The following RTN4RL1 variants were observed in gnomAD, a reference collection of about 807,000 sequenced individuals.
RTN4RL1 encodes reticulon 4 receptor like 1, also known as reticulon-4 receptor-like 1.
In RTN4RL1, 7 loss-of-function variants were observed where a neutral mutation model predicts 25.6. That is an observed-to-expected ratio of 0.27 (90% CI 0.16 to 0.51). The LOEUF (loss-of-function observed/expected upper bound fraction) is 0.51, where lower values mean the gene tolerates loss of function less well. RTN4RL1 is among the 20% of genes least tolerant of loss of function. RTN4RL1 has a pLI of 0.97. For missense variants in RTN4RL1, 500 were observed against 615.6 expected, an observed-to-expected ratio of 0.81 and a Z score of 1.99; for synonymous variants, 297 against 288.2, an observed-to-expected ratio of 1.03 and a Z score of -0.31.
chr17:1,989,856 G>A (rs148950641), intron 1 of RTN4RL1, among the ~76,000 whole-genome samples: 2 of 152,116 alleles, frequency 1.3e-5, no homozygotes, highest in Admixed American at 1.3e-4. Context: ...ACAGGTGTGA[G>A]CCACTGTGCC....
At chr17:1,999,196 T>A (rs8070157) in intron 1 of RTN4RL1, among the ~76,000 whole-genome samples, 1 of 149,844 alleles carries the variant, frequency 6.7e-6, no homozygotes, top group Admixed American at 6.6e-5. Context: ...GGCTGTAATC[T>A]CAGCACTTTG....
intron 1 of RTN4RL1, among the ~76,000 whole-genome samples, chr17:2,007,813 G>A (rs1455356211): frequency 3.3e-5 from 5 of 151,932 alleles, no homozygotes. Flanking sequence ...AGGCATGGTG[G>A]CACGCGCCTG....
At chr17:2,020,906 C>T (rs1455465813) in intron 1 of RTN4RL1, among the ~76,000 whole-genome samples, 1 of 152,230 alleles carries the variant, frequency 6.6e-6, no homozygotes, top group African/African-American at 2.4e-5. Context: ...TCTGGCAAAG[C>T]AAACCCCCCA....
chr17:1,961,351 C>A lies in RTN4RL1; in HGVS notation c.14-23543G>T, dbSNP rs1287746150. 2.0e-5 allele frequency among the ~76,000 whole-genome samples: 3 copies of A among 152,272 alleles called. No homozygotes were observed. The East Asian group carries it at 5.8e-4, about 29-fold the overall frequency. Reference sequence around the variant, plus strand: ...GGACGACGGGGCAGGGCATTCCAGGCAGAAGGAACCGCATGGGCGGAGGCC... The same window carrying A: ...GGACGACGGGGCAGGGCATTCCAGGAAGAAGGAACCGCATGGGCGGAGGCC... On this transcript the variant is annotated intron_variant, in intron 1 of 1. Coordinates refer to ENST00000331238, the MANE Select transcript of RTN4RL1 (RefSeq NM_178568.4).
chr17:1,992,064 T>C (rs538291595), intron 1 of RTN4RL1, among the ~76,000 whole-genome samples: 1 of 141,964 alleles, frequency 7.0e-6, no homozygotes, highest in Non-Finnish European at 1.6e-5. Flanking sequence ...TTGGACTGCA[T>C]GCAGAAAAAG....
chr17:2,010,972 C>A (rs992587277), intron 1 of RTN4RL1, among the ~76,000 whole-genome samples: 1 of 152,142 alleles, frequency 6.6e-6, no homozygotes, highest in Non-Finnish European at 1.5e-5. Context: ...CGTTTGTCGG[C>A]CGGGCGCGGT....
chr17:1,971,588 G>A (rs764301656), intron 1 of RTN4RL1, among the ~76,000 whole-genome samples: 5 of 152,192 alleles, frequency 3.3e-5, no homozygotes, highest in East Asian at 1.9e-4. Flanking sequence ...CCAGCACGTC[G>A]GGAGGCTGAG....
chr17:1,967,439 C>T (rs2066796874), intron 1 of RTN4RL1, among the ~76,000 whole-genome samples: 1 of 151,966 alleles, frequency 6.6e-6, no homozygotes, highest in African/African-American at 2.4e-5. Flanking sequence ...TCAAGCCTCT[C>T]CCCTTGAACC....
intron 1 of RTN4RL1, among the ~76,000 whole-genome samples, chr17:2,009,753 T>G (rs2067030309): frequency 7.8e-6 from 1 of 127,866 alleles, no homozygotes; most frequent in Non-Finnish European, 1.6e-5. Flanking sequence ...CTGCCATAGC[T>G]GTTGCCTTGG....
At chr17:1,947,533 G>C (rs1404054520) in intron 1 of RTN4RL1, among the ~76,000 whole-genome samples, 2 of 152,212 alleles carry the variant, frequency 1.3e-5, no homozygotes, top group Non-Finnish European at 2.9e-5. Context: ...ACCCACTCCA[G>C]GTCCCTCCAG....
intron 1 of RTN4RL1, among the ~76,000 whole-genome samples, chr17:1,993,647 C>T (rs932877968): frequency 6.6e-6 from 1 of 152,144 alleles, no homozygotes; most frequent in Non-Finnish European, 1.5e-5. Context: ...TTCCCTTCCC[C>T]TACCCTTCCA....
At chr17:2,023,989 AG>A (rs1190493372) in intron 1 of RTN4RL1, among the ~76,000 whole-genome samples, 11 of 152,172 alleles carry the variant, frequency 7.2e-5, no homozygotes, top group Non-Finnish European at 2.9e-5. Flanking sequence ...GCAGACGCAG[AG>A]GCTGGAACAG....
rs1422932022 is a variant in RTN4RL1 at position 1,935,887 on chromosome 17, C to A, written c.*609G>T. 1 of 985,280 alleles carries A rather than the reference C, an allele frequency of 1.0e-6. No individual in the cohort carries two copies. The highest frequency in any genetic ancestry group is 1.1e-4 in the East Asian group (1 of 8,802). The allele number at this position is 985,280 out of a possible 1,614,324, so 61.0% of individuals were successfully genotyped here. On this transcript the variant is annotated 3_prime_UTR_variant, in exon 2 of 2. Transcript: ENST00000331238. ...TTCCTTTGGTAATTGGTTCTTGGAC[C>A]CCAGCAGTTGGACCTGGGTCTGCCA...
intron 1 of RTN4RL1, among the ~76,000 whole-genome samples, chr17:1,979,653 A>G (rs74472537): frequency 0.012 from 1,766 of 152,194 alleles, 34 homozygotes; most frequent in African/African-American, 0.04. Flanking sequence ...ACCAGCCTAT[A>G]CTAAGATCTC....
At chr17:1,958,027 T>C (rs1168850569) in intron 1 of RTN4RL1, among the ~76,000 whole-genome samples, 1 of 150,076 alleles carries the variant, frequency 6.7e-6, no homozygotes, top group African/African-American at 2.5e-5. Context: ...ACTAAAAAAA[T>C]AAAAAATAAA....
chr17:1,938,789 G>A (rs1175020249), intron 1 of RTN4RL1, among the ~76,000 whole-genome samples: 25 of 146,014 alleles, frequency 1.7e-4, no homozygotes, highest in East Asian at 2.3e-4. Context: ...GGTGGCTCAC[G>A]CCTGTAATCC....
intron 1 of RTN4RL1, chr17:2,017,682 T>TACATACAC (rs970897024): frequency 1.7e-4 from 25 of 150,608 alleles, no homozygotes; most frequent in African/African-American, 5.8e-4. Context: ...TTTCTGTACA[T>TACATACAC]ACACACACAC....
intron 1 of RTN4RL1, among the ~76,000 whole-genome samples, chr17:1,979,707 C>T (rs2066858877): frequency 6.6e-6 from 1 of 152,186 alleles, no homozygotes; most frequent in African/African-American, 2.4e-5. Flanking sequence ...TTCAGCAGGG[C>T]CAGAGACAGA....
chr17:2,024,928 C>A lies in RTN4RL1; in HGVS notation c.-63G>T. ...CGCACTCCCTCCCGGGGTCCAGATT[C>A]AAATCCCTGGGCGCCAGCTGCAGCT... On this transcript the variant is annotated 5_prime_UTR_variant, in exon 1 of 2. An upstream open reading frame in the 5' UTR loses its in-frame stop. Transcript: ENST00000331238. The A allele has an allele frequency of 9.8e-6, 15 of 1,523,994 alleles. No homozygotes were observed. Among genetic ancestry groups the A allele is most frequent in the Non-Finnish European group, 1.3e-5 (15 of 1,128,374 alleles). 94.4% of individuals were successfully genotyped at this position (1,523,994 alleles called of 1,614,324 possible).
Sources: allele counts gnomAD v4.1 joint callset (sites outside exome capture counted in the v4.1 genomes callset), GRCh38; gene constraint gnomAD v4.1.1; transcripts MANE v1.5; gene names NCBI Gene and HGNC (gene_info 2026-07-23, HGNC 2026-07-21).